SORBS2: variants seen among roughly 807,000 people sequenced by gnomAD.
SORBS2 encodes sorbin and SH3 domain containing 2.
Under a neutral mutation model 97.7 loss-of-function variants are expected in SORBS2, and 46 were observed. The ratio of observed to expected loss-of-function variants is 0.47; its 90% CI spans 0.37 to 0.60. SORBS2 has a LOEUF of 0.60. Ranked by LOEUF, SORBS2 falls within the 20% of genes least tolerant of loss-of-function variation. The pLI is 0.00. For synonymous variants in SORBS2, 476 were observed against 473.4 expected (o/e 1.01, Z -0.07); for missense variants, 1,316 against 1,282.3 (o/e 1.03, Z -0.40).
intron 2 of SORBS2, chr4:185,761,614 T>C (rs1324219852): frequency 6.6e-6 from 1 of 152,178 alleles, no homozygotes; most frequent in African/African-American, 2.4e-5. Flanking sequence ...AGAATGATCT[T>C]ATATGTGAAT....
Position 185,606,717 on chromosome 4 carries a change from C to T in SORBS2, c.2796+5063G>A, listed in dbSNP as rs2096430501. The stretch of plus-strand genomic sequence containing the variant: ...CTTCAATGTGCAGGTGTGGGGTGCC[C>T]TCTGACCCATCGTGGCCACACCACC... On this transcript the variant is annotated intron_variant, in intron 12 of 14. Transcript: ENST00000418609. The surrounding 1 kb of genome is among the most constrained non-coding windows in gnomAD (Gnocchi z 4.3). 1.0e-6 allele frequency: 1 copy of T among 985,260 alleles called. No homozygotes were observed. The highest frequency in any genetic ancestry group is 1.2e-6 in the Non-Finnish European group (1 of 829,912). The allele number at this position is 985,260 out of a possible 1,614,324, so 61.0% of individuals were successfully genotyped here.
At chr4:185,666,513 G>A (rs1378429712) in intron 4 of SORBS2, among the ~76,000 whole-genome samples, 4 of 152,160 alleles carry the variant, frequency 2.6e-5, no homozygotes, top group Admixed American at 1.3e-4. Context: ...TTTTGTATTT[G>A]TGACAATGAT....
chr4:185,922,478 T>C (rs1561303623), intron 1 of SORBS2, among the ~76,000 whole-genome samples: 1 of 152,220 alleles, frequency 6.6e-6, no homozygotes, highest in Non-Finnish European at 1.5e-5. Flanking sequence ...GAACGAATCA[T>C]GGAATTGAGC....
intron 1 of SORBS2, among the ~76,000 whole-genome samples, chr4:185,852,225 C>T (rs1399281896): frequency 6.6e-6 from 1 of 152,166 alleles, no homozygotes; most frequent in Non-Finnish European, 1.5e-5. Flanking sequence ...TACATTCTAA[C>T]ACACCCTCTG....
At chr4:185,833,296 T>C (rs543329276) in intron 1 of SORBS2, among the ~76,000 whole-genome samples, 2 of 152,232 alleles carry the variant, frequency 1.3e-5, no homozygotes, top group African/African-American at 2.4e-5. Context: ...ATTCCTTTCA[T>C]GGGAGGTCAC....
At chr4:185,926,412 TA>T (rs2149945625) in intron 1 of SORBS2, among the ~76,000 whole-genome samples, 1 of 151,336 alleles carries the variant, frequency 6.6e-6, no homozygotes, top group Non-Finnish European at 1.5e-5. Context: ...AAAAAGGAGA[TA>T]GGGGAATTGG....
At chr4:185,637,751 T>C (rs898535370) in intron 4 of SORBS2, among the ~76,000 whole-genome samples, 4 of 151,986 alleles carry the variant, frequency 2.6e-5, no homozygotes, top group Non-Finnish European at 5.9e-5. Flanking sequence ...CTAGACCAAA[T>C]AGACTGTAAA....
intron 4 of SORBS2, chr4:185,645,910 C>T (rs2097199972): frequency 6.6e-6 from 1 of 152,130 alleles, no homozygotes; most frequent in South Asian, 2.1e-4. Flanking sequence ...CAAGGGAAGA[C>T]CTATGTGTGA....
chr4:185,861,287 G>C (rs1173131443), intron 1 of SORBS2, among the ~76,000 whole-genome samples: 2 of 140,056 alleles, frequency 1.4e-5, no homozygotes, highest in Non-Finnish European at 3.0e-5. Flanking sequence ...GAAGGTGAAG[G>C]TTTCTTTGGA....
At chr4:185,890,279 C>T (rs2099241805) in intron 1 of SORBS2, among the ~76,000 whole-genome samples, 1 of 152,268 alleles carries the variant, frequency 6.6e-6, no homozygotes, top group South Asian at 2.1e-4. Flanking sequence ...AAGTATATTC[C>T]ATTCAATTTA....
chr4:185,834,640 T>G (rs1382500368), intron 1 of SORBS2, among the ~76,000 whole-genome samples: 1 of 152,112 alleles, frequency 6.6e-6, no homozygotes, highest in African/African-American at 2.4e-5. Flanking sequence ...AAATAGTGAA[T>G]GTAAATATTT....
At chr4:185,889,123 G>GT (rs201909109) in intron 1 of SORBS2, among the ~76,000 whole-genome samples, 1 of 152,152 alleles carries the variant, frequency 6.6e-6, no homozygotes, top group Admixed American at 6.5e-5. Context: ...GAGGAAGAGG[G>GT]TTTTTTCTTC....
chr4:185,881,490 T>G (rs924359031), intron 1 of SORBS2, among the ~76,000 whole-genome samples: 3 of 152,160 alleles, frequency 2.0e-5, no homozygotes, highest in Non-Finnish European at 4.4e-5. Context: ...GAAAGAATTT[T>G]CAGACATTCA....
intron 2 of SORBS2, among the ~76,000 whole-genome samples, chr4:185,728,322 G>A (rs1056872700): frequency 2.0e-5 from 3 of 152,102 alleles, no homozygotes; most frequent in African/African-American, 4.8e-5. Context: ...CTGACTGTAG[G>A]GTTGATTAAG....
At chr4:185,814,271 C>T (rs189861658) in intron 1 of SORBS2, among the ~76,000 whole-genome samples, 2 of 152,080 alleles carry the variant, frequency 1.3e-5, no homozygotes, top group East Asian at 3.9e-4. Context: ...GTGGCTCACA[C>T]CTTTATTCCC....
chr4:185,816,651 C>T (rs549390280), intron 1 of SORBS2, among the ~76,000 whole-genome samples: 3 of 152,138 alleles, frequency 2.0e-5, no homozygotes, highest in East Asian at 1.9e-4. Flanking sequence ...TAATCAAATG[C>T]GTTCATATCC....
At chr4:185,668,592 A>G (rs903779234) in intron 4 of SORBS2, among the ~76,000 whole-genome samples, 1 of 152,260 alleles carries the variant, frequency 6.6e-6, no homozygotes, top group Non-Finnish European at 1.5e-5. Context: ...CCCAAGGGGA[A>G]AGAAAGACCA....
At chr4:185,713,454 A>G (rs1162160578) in intron 2 of SORBS2, among the ~76,000 whole-genome samples, 1 of 152,210 alleles carries the variant, frequency 6.6e-6, no homozygotes, top group African/African-American at 2.4e-5. Context: ...TCAGAAGAGC[A>G]GAGACTTTCA....
At position 185,830,088 on chromosome 4, in the gene SORBS2, G is replaced by A. The variant is rs883132; in HGVS notation, c.-337-54722C>T. ...AGTGTTAAGAGGCACAGTTGTAATC[G>A]CATGCCATTTGATTATACATTTGTA... On this transcript the variant is annotated intron_variant, in intron 1 of 20. Transcript: ENST00000284776. 1.6e-3 allele frequency among the ~76,000 whole-genome samples: 249 copies of A among 152,232 alleles called. 4 individuals are homozygous for A. In the East Asian group the frequency reaches 0.038, roughly 23 times the overall value.
Sources: allele counts gnomAD v4.1 joint callset (sites outside exome capture counted in the v4.1 genomes callset), GRCh38; gene constraint gnomAD v4.1.1; non-coding constraint Gnocchi (gnomAD v3.1); transcripts MANE v1.5; gene names NCBI Gene and HGNC (gene_info 2026-07-23, HGNC 2026-07-21).